Variants in HERC4 observed in about 807,000 individuals in gnomAD.
HERC4 encodes probable E3 ubiquitin-protein ligase HERC4.
In HERC4, 28 loss-of-function variants were observed where a neutral mutation model predicts 124.3. The ratio of observed to expected loss-of-function variants is 0.23; its 90% CI spans 0.17 to 0.31. HERC4 has a LOEUF of 0.31. HERC4 is among the 10% of genes least tolerant of loss of function. HERC4 has a pLI of 1.00. For synonymous variants in HERC4, 407 were observed against 421.5 expected (o/e 0.97, Z 0.42); for missense variants, 713 against 1,229.3 (o/e 0.58, Z 6.28).
At chr10:68,001,092 C>T (rs977989619) in intron 9 of HERC4, among the ~76,000 whole-genome samples, 6 of 152,096 alleles carry the variant, frequency 3.9e-5, no homozygotes, top group East Asian at 3.9e-4. Flanking sequence ...TTTTGTCAGC[C>T]GGGTGCAGTG....
intron 4 of HERC4, 94 bp from the exon 5 acceptor site, chr10:68,038,263 T>C: frequency 1.9e-6 from 1 of 518,422 alleles, no homozygotes; most frequent in Non-Finnish European, 3.4e-6. Context: ...GCCTACTATA[T>C]GCACATAGGT....
At chr10:68,020,763 C>T (rs1410610271) in intron 8 of HERC4, among the ~76,000 whole-genome samples, 2 of 138,722 alleles carry the variant, frequency 1.4e-5, no homozygotes, top group African/African-American at 2.7e-5. Flanking sequence ...AGCGAGACTC[C>T]GTCTCAAAAA....
chr10:68,008,292 T>C (rs2037710490), intron 9 of HERC4, among the ~76,000 whole-genome samples: 3 of 152,366 alleles, frequency 2.0e-5, no homozygotes, highest in Admixed American at 1.3e-4. Context: ...TAGAGACTAA[T>C]TCCTGTCTAT....
intron 5 of HERC4, 94 bp from the exon 6 acceptor site, chr10:68,034,280 A>C: frequency 1.1e-6 from 1 of 917,418 alleles, no homozygotes; most frequent in South Asian, 1.6e-5. Flanking sequence ...CATATAAAGA[A>C]TATTATTTTG....
intron 8 of HERC4, among the ~76,000 whole-genome samples, chr10:68,017,109 T>G (rs1410518498): frequency 1.3e-5 from 2 of 152,130 alleles, no homozygotes; most frequent in Non-Finnish European, 2.9e-5. Context: ...CAACGAGATT[T>G]CAGTGAATGT....
intron 9 of HERC4, chr10:67,994,055 C>G (rs2036711689): frequency 6.6e-6 from 1 of 152,092 alleles, no homozygotes; most frequent in South Asian, 2.1e-4. Flanking sequence ...CAATTGTTAT[C>G]TAGGTTATAC....
intron 3 of HERC4, among the ~76,000 whole-genome samples, chr10:68,059,811 A>G (rs1464222487): frequency 1.4e-5 from 1 of 72,508 alleles, no homozygotes; most frequent in Non-Finnish European, 2.0e-5. Flanking sequence ...TATATATTAT[A>G]ATATTATATA....
chr10:67,942,348 T>TA (rs1451473848), intron 19 of HERC4, among the ~76,000 whole-genome samples: 1 of 152,224 alleles, frequency 6.6e-6, no homozygotes, highest in Non-Finnish European at 1.5e-5. Context: ...TTATTCTTCC[T>TA]AGCTAGTAGT....
intron 3 of HERC4, among the ~76,000 whole-genome samples, chr10:68,063,934 C>T (rs955751755): frequency 2.0e-5 from 3 of 150,322 alleles, no homozygotes; most frequent in Admixed American, 2.0e-4. Context: ...AGCGAAACTC[C>T]GTCTCAAATA....
At chr10:68,063,221 A>AT (rs1322855552) in intron 3 of HERC4, among the ~76,000 whole-genome samples, 2 of 151,808 alleles carry the variant, frequency 1.3e-5, no homozygotes, top group South Asian at 2.1e-4. Context: ...TTTATTATTT[A>AT]TTTTTTTAGT....
At chr10:68,032,922 T>C (rs2039282855) in intron 6 of HERC4, 53 bp from the exon 7 acceptor site, 2 of 914,986 alleles carry the variant, frequency 2.2e-6, no homozygotes, top group Admixed American at 3.5e-5. Context: ...AAAACTCATC[T>C]AGATGTGTTT....
intron 16 of HERC4, among the ~76,000 whole-genome samples, chr10:67,962,223 CAA>C (rs34157958): frequency 8.4e-4 from 120 of 142,886 alleles, no homozygotes; most frequent in Admixed American, 5.6e-4. Context: ...TTTAAATAAG[CAA>C]AAAAAAAAAA....
chr10:68,001,341 T>C (rs1223910887), intron 9 of HERC4, among the ~76,000 whole-genome samples: 1 of 151,256 alleles, frequency 6.6e-6, no homozygotes, highest in Non-Finnish European at 1.5e-5. Flanking sequence ...CACAGCACTC[T>C]AGCCTGGGCA....
At chr10:67,941,131 CAT>C (rs752029690) in intron 19 of HERC4, 26 bp from the exon 20 acceptor site, 18 of 1,434,144 alleles carry the variant, frequency 1.3e-5, no homozygotes, top group Non-Finnish European at 8.4e-6. Flanking sequence ...AAAGTAAACA[CAT>C]GTCCTCCAAG....
Position 67,974,093 on chromosome 10 carries a change from C to T in HERC4, c.1807-7291G>A, listed in dbSNP as rs1003228306. Among the ~76,000 whole-genome samples, 775 of 140,916 alleles carry T rather than the reference C, an allele frequency of 5.5e-3. 8 individuals carry two copies. Among genetic ancestry groups the T allele is most frequent in the Middle Eastern group, 0.011 (3 of 284 alleles). 92.4% of individuals were successfully genotyped at this position (140,916 alleles called of 152,430 possible). A position where few individuals can be genotyped will look rare whatever the true frequency, so the allele number is the denominator to read the frequency against. On this transcript the variant is annotated intron_variant, in intron 15 of 24. Coordinates refer to ENST00000373700, the MANE Select transcript of HERC4 (RefSeq NM_015601.4). ...TACTGTACACACACACACACACACACACACACACACACACACACACACACA... is the reference window on the plus strand; with the variant it reads ...TACTGTACACACACACACACACACATACACACACACACACACACACACACA...
Position 67,924,078 on chromosome 10 carries a change from A to G in HERC4, c.2942-939T>C, listed in dbSNP as rs540164724. 3.3e-5 allele frequency among the ~76,000 whole-genome samples: 5 copies of G among 152,070 alleles called. No individual in the cohort carries two copies. The South Asian group carries it at 1.0e-3, about 31-fold the overall frequency. On this transcript the variant is annotated intron_variant, in intron 24 of 24. Transcript: ENST00000373700. Reference sequence around the variant, plus strand: ...AAAAGAAAAAGAAAATGAAGACCAAACAGAGAAAAGAGCAATACAGTTGGC... The same window carrying G: ...AAAAGAAAAAGAAAATGAAGACCAAGCAGAGAAAAGAGCAATACAGTTGGC...
Position 67,936,206 on chromosome 10 carries a change from T to C in HERC4, c.2601A>G (p.Glu867=). Residue 867 remains glutamate, a synonymous_variant, in exon 22 of 25, where the codon GAA becomes GAG. Transcript: ENST00000373700. Reference sequence around the variant, plus strand: ...CACCATTTAGAACCAGCTCTTTCACTTCTGTTGCACCAAAGTTTTCAACTG... The same window carrying C: ...CACCATTTAGAACCAGCTCTTTCACCTCTGTTGCACCAAAGTTTTCAACTG... The part of the protein sequence containing the change: ...TITVENFGAT[E]VKELVLNGAD... The C allele has an allele frequency of 1.2e-6, 2 of 1,602,034 alleles. No individual in the cohort carries two copies. The highest frequency in any genetic ancestry group is 1.7e-6 in the Non-Finnish European group (2 of 1,175,582).
chr10:68,043,966 A>C (rs1175673032), intron 4 of HERC4, among the ~76,000 whole-genome samples: 1 of 152,228 alleles, frequency 6.6e-6, no homozygotes, highest in Non-Finnish European at 1.5e-5. Flanking sequence ...GAAAGTGACT[A>C]AATTCTTTTT....
At chr10:67,959,176 A>G (rs2034338816) in intron 16 of HERC4, 1 of 1,546,936 alleles carries the variant, frequency 6.5e-7, no homozygotes, top group South Asian at 1.2e-5. Context: ...ACGAGGAAAG[A>G]GCAATATTAG....
Sources: allele counts gnomAD v4.1 joint callset (sites outside exome capture counted in the v4.1 genomes callset), GRCh38; gene constraint gnomAD v4.1.1; transcripts MANE v1.5; gene names NCBI Gene and HGNC (gene_info 2026-07-23, HGNC 2026-07-21).